TRAPPC8: variants seen among roughly 807,000 people sequenced by gnomAD.
The protein encoded by TRAPPC8 is general sporulation gene 1 homolog.
Under a neutral mutation model 174.3 loss-of-function variants are expected in TRAPPC8, and 54 were observed. The ratio of observed to expected loss-of-function variants is 0.31; its 90% CI spans 0.25 to 0.39. The LOEUF is 0.39. Ranked by LOEUF, TRAPPC8 falls within the 10% of genes least tolerant of loss-of-function variation. The pLI, the probability that TRAPPC8 is intolerant of heterozygous loss-of-function variation, is 1.00. For missense variants in TRAPPC8, 1,531 were observed against 1,699.1 expected, an observed-to-expected ratio of 0.90 and a Z score of 1.74; for synonymous variants, 630 against 579.9, an observed-to-expected ratio of 1.09 and a Z score of -1.24.
chr18:31,866,966 T>C lies in TRAPPC8; in HGVS notation c.2473A>G (p.Lys825Glu). 1 of 1,613,514 alleles carries C rather than the reference T, an allele frequency of 6.2e-7. No individual in the cohort carries two copies. The highest frequency in any genetic ancestry group is 8.5e-7 in the Non-Finnish European group (1 of 1,179,634). Residue 825 changes from lysine (K) to glutamate (E), a missense_variant, in exon 18 of 29, where the codon AAG becomes GAG. Lys to Glu is a moderately conservative substitution (Grantham distance 56). Transcript: ENST00000283351. The part of the protein sequence containing the change: ...NGEESKVARL[K>E]LFPHHIGELH... ...TCCCCTATGTGATGGGGAAAGAGCT[T>C]TAGTCTTGCCTGTGGAGATATTTAA...
intron 28 of TRAPPC8, among the ~76,000 whole-genome samples, 170 bp downstream of exon 28, chr18:31,831,914 C>A (rs532059554): frequency 2.6e-5 from 4 of 152,028 alleles, no homozygotes; most frequent in Non-Finnish European, 5.9e-5. Flanking sequence ...AAAAAAAAAT[C>A]TTTAATATTT....
chr18:31,852,692 T>C (rs2033775959), intron 22 of TRAPPC8, 29 bp from the exon 23 acceptor site: 1 of 1,578,362 alleles, frequency 6.3e-7, no homozygotes, highest in Admixed American at 1.7e-5. Context: ...ATTTCAAAGA[T>C]GTTTCTCAGT....
intron 3 of TRAPPC8, among the ~76,000 whole-genome samples, chr18:31,917,005 A>G (rs1242438697): frequency 6.6e-6 from 1 of 152,174 alleles, no homozygotes; most frequent in Non-Finnish European, 1.5e-5. Flanking sequence ...AAGGAAACTC[A>G]TAAAAATAAA....
intron 28 of TRAPPC8, among the ~76,000 whole-genome samples, chr18:31,831,411 CAACT>C (rs1441344681): frequency 6.6e-6 from 1 of 152,102 alleles, no homozygotes; most frequent in African/African-American, 2.4e-5. Flanking sequence ...TTTATGAAGC[CAACT>C]GTTTATTAAT....
intron 16 of TRAPPC8, among the ~76,000 whole-genome samples, chr18:31,869,017 C>A (rs1169621563): frequency 6.8e-6 from 1 of 147,098 alleles, no homozygotes. Flanking sequence ...TTTTTTTTTG[C>A]CACATTATTA....
intron 2 of TRAPPC8, among the ~76,000 whole-genome samples, chr18:31,930,048 T>A (rs926632901): frequency 6.6e-5 from 10 of 151,870 alleles, no homozygotes; most frequent in Non-Finnish European, 1.5e-4. Flanking sequence ...TATTTTTAAC[T>A]ATACAAGAGC....
chr18:31,918,902 G>C (rs1019972256), intron 2 of TRAPPC8, among the ~76,000 whole-genome samples: 2 of 152,064 alleles, frequency 1.3e-5, no homozygotes, highest in Non-Finnish European at 2.9e-5. Flanking sequence ...TTTACTAAAA[G>C]GACTCCATTC....
chr18:31,871,132 T>C lies in TRAPPC8; in HGVS notation c.2063-12A>G. On this transcript the variant is annotated splice_polypyrimidine_tract_variant and intron_variant, in intron 14 of 28. Coordinates refer to ENST00000283351, the MANE Select transcript of TRAPPC8 (RefSeq NM_014939.5). ...TGCTTGTTTTTCACCTAAAAAAAATTTGTTAACAACACGTTTATGAAGACT... is the reference window on the plus strand; with the variant it reads ...TGCTTGTTTTTCACCTAAAAAAAATCTGTTAACAACACGTTTATGAAGACT... 1 of 1,507,164 alleles carries C rather than the reference T, an allele frequency of 6.6e-7. No individual in the cohort carries two copies. The highest frequency in any genetic ancestry group is 8.9e-7 in the Non-Finnish European group (1 of 1,117,402). 93.4% of individuals were successfully genotyped at this position (1,507,164 alleles called of 1,614,324 possible).
At chr18:31,933,282 C>T (rs1419993095) in intron 1 of TRAPPC8, among the ~76,000 whole-genome samples, 1 of 128,352 alleles carries the variant, frequency 7.8e-6, no homozygotes, top group Non-Finnish European at 1.6e-5. Flanking sequence ...GCCTGGGCAA[C>T]AGAGCGAGAC....
chr18:31,915,635 G>A (rs1472562150), intron 4 of TRAPPC8, among the ~76,000 whole-genome samples: 5 of 152,006 alleles, frequency 3.3e-5, no homozygotes, highest in South Asian at 2.1e-4. Flanking sequence ...GGTGGCTCAC[G>A]CCTGTAATCC....
intron 2 of TRAPPC8, among the ~76,000 whole-genome samples, chr18:31,924,285 CA>C (rs199557108): frequency 2.6e-4 from 36 of 139,004 alleles, no homozygotes; most frequent in East Asian, 2.1e-4. Context: ...GAATCCGTCT[CA>C]AAAAAAAAAA....
At chr18:31,931,808 C>G (rs1278397892) in intron 1 of TRAPPC8, among the ~76,000 whole-genome samples, 1 of 152,208 alleles carries the variant, frequency 6.6e-6, no homozygotes, top group Non-Finnish European at 1.5e-5. Context: ...CAGAAACCAA[C>G]TACTATCCAT....
intron 4 of TRAPPC8, among the ~76,000 whole-genome samples, chr18:31,913,971 T>C (rs1309944540): frequency 1.3e-5 from 2 of 151,672 alleles, no homozygotes; most frequent in Non-Finnish European, 2.9e-5. Flanking sequence ...TTAGAGACCA[T>C]CCTAGGCAAC....
chr18:31,917,504 CTTCA>C (rs1419929073), intron 3 of TRAPPC8, 70 bp downstream of exon 3: 26 of 1,372,608 alleles, frequency 1.9e-5, no homozygotes, highest in Non-Finnish European at 2.6e-5. Flanking sequence ...ACAATTTTGC[CTTCA>C]TTAACTATTT....
intron 22 of TRAPPC8, among the ~76,000 whole-genome samples, chr18:31,853,121 T>A (rs2145066651): frequency 6.6e-6 from 1 of 152,356 alleles, no homozygotes; most frequent in East Asian, 1.9e-4. Context: ...CACATTCTTT[T>A]GTTTGAATGT....
chr18:31,879,360 C>CT (rs1326715321), intron 12 of TRAPPC8, among the ~76,000 whole-genome samples: 2 of 152,092 alleles, frequency 1.3e-5, no homozygotes, highest in African/African-American at 2.4e-5. Context: ...AACTAAGCAA[C>CT]TTGGTATTGA....
chr18:31,920,100 T>C (rs1230247827), intron 2 of TRAPPC8, among the ~76,000 whole-genome samples: 1 of 152,112 alleles, frequency 6.6e-6, no homozygotes, highest in Admixed American at 6.6e-5. Context: ...TAATGAAAAT[T>C]ATCGTTAAAT....
intron 19 of TRAPPC8, among the ~76,000 whole-genome samples, chr18:31,863,244 A>G (rs948563487): frequency 1.3e-5 from 2 of 152,172 alleles, no homozygotes; most frequent in African/African-American, 2.4e-5. Flanking sequence ...CACAGATGTA[A>G]GGCAACAGGT....
rs182224240 is a variant in TRAPPC8, at chr18:31,926,948, C to T, written c.352+4381G>A. On this transcript the variant is annotated intron_variant, in intron 2 of 28. Coordinates refer to ENST00000283351, the MANE Select transcript of TRAPPC8 (RefSeq NM_014939.5). ...AAATAAAACTTATTTAAATTTAAAA[C>T]TTATTACGCCATAGACAGCCATATA... Among the ~76,000 whole-genome samples, 37 of 152,198 alleles carry T rather than the reference C, an allele frequency of 2.4e-4. No individual in the cohort carries two copies. In the East Asian group the frequency reaches 6.9e-3, roughly 29 times the overall value.
Sources: allele counts gnomAD v4.1 joint callset (sites outside exome capture counted in the v4.1 genomes callset), GRCh38; gene constraint gnomAD v4.1.1; transcripts MANE v1.5; gene names NCBI Gene and HGNC (gene_info 2026-07-23, HGNC 2026-07-21).